Variants in CYP19A1 observed in about 807,000 individuals in gnomAD.
CYP19A1 encodes the protein aromatase.
CYP19A1 carries 32 observed loss-of-function variants against 44.4 expected under a neutral mutation model. That is an observed-to-expected ratio of 0.72 (90% CI 0.54 to 0.97). The LOEUF (loss-of-function observed/expected upper bound fraction) is 0.97. Among genes scored for constraint, CYP19A1 ranks in the 50% least tolerant of loss-of-function variants. CYP19A1 has a pLI of 0.00. For missense variants in CYP19A1, 598 were observed against 637.8 expected (o/e 0.94, Z 0.67); for synonymous variants, 212 against 215.6 (o/e 0.98, Z 0.14).
chr15:51,219,019 C>T (rs565716033), intron 5 of CYP19A1, among the ~76,000 whole-genome samples: 47 of 152,356 alleles, frequency 3.1e-4, no homozygotes, highest in Admixed American at 8.5e-4. Context: ...TTATGGCCTT[C>T]ACTCTGGTAC....
At chr15:51,298,170 T>C (rs1343264057) in intron 1 of CYP19A1, among the ~76,000 whole-genome samples, 10 of 152,174 alleles carry the variant, frequency 6.6e-5, no homozygotes. Flanking sequence ...CCGCCACTGT[T>C]CAGGTGGCAT....
At chr15:51,331,512 G>A (rs1282435237) in intron 1 of CYP19A1, among the ~76,000 whole-genome samples, 2 of 152,248 alleles carry the variant, frequency 1.3e-5, no homozygotes, top group Non-Finnish European at 2.9e-5. Flanking sequence ...TACTGACCCA[G>A]AAGGAGATAA....
At chr15:51,214,861 G>A (rs889223992) in intron 8 of CYP19A1, among the ~76,000 whole-genome samples, 3 of 152,156 alleles carry the variant, frequency 2.0e-5, no homozygotes, top group Non-Finnish European at 4.4e-5. Context: ...TCCTCCCAAT[G>A]AGCATGCATC....
In CYP19A1 at chr15:51,273,727, C is replaced by T. The variant is rs146076026; in HGVS notation, c.-38-30777G>A. On this transcript the variant is annotated intron_variant, in intron 1 of 9. Coordinates refer to ENST00000396402, the MANE Select transcript of CYP19A1 (RefSeq NM_000103.4). ...GCTATGCTTTTTAAAAAATGACAGC[C>T]GGCTGCAATGGCTCATGCCTGTAAT... Among the ~76,000 whole-genome samples the T allele has an allele frequency of 1.6e-3, 242 of 152,132 alleles. 2 individuals carry two copies. The highest frequency in any genetic ancestry group is 3.4e-3 in the Middle Eastern group (1 of 294).
chr15:51,237,909 T>G (rs891039971), intron 2 of CYP19A1, among the ~76,000 whole-genome samples: 1 of 152,240 alleles, frequency 6.6e-6, no homozygotes, highest in African/African-American at 2.4e-5. Flanking sequence ...TTTCTAAATC[T>G]TTCTCCTTTA....
At chr15:51,332,837 A>G (rs939224332) in intron 1 of CYP19A1, among the ~76,000 whole-genome samples, 1 of 152,136 alleles carries the variant, frequency 6.6e-6, no homozygotes, top group Non-Finnish European at 1.5e-5. Context: ...TGCCCCCATG[A>G]TCCTTCTTCC....
intron 1 of CYP19A1, chr15:51,321,065 C>T (rs943639031): frequency 6.6e-6 from 1 of 152,464 alleles, no homozygotes; most frequent in Non-Finnish European, 1.5e-5. Context: ...CCTGTGCCTT[C>T]AACCCATTCC....
intron 1 of CYP19A1, among the ~76,000 whole-genome samples, chr15:51,314,341 CT>C (rs1396417282): frequency 6.6e-6 from 1 of 151,996 alleles, no homozygotes; most frequent in African/African-American, 2.4e-5. Flanking sequence ...GAAAGAGGGA[CT>C]TTTTGCCTTT....
chr15:51,234,072 T>C (rs2033221243), intron 3 of CYP19A1, among the ~76,000 whole-genome samples: 3 of 151,866 alleles, frequency 2.0e-5, no homozygotes, highest in Admixed American at 2.0e-4. Context: ...CTCAAACTTT[T>C]CAAAAGAAAA....
chr15:51,222,362 C>A lies in CYP19A1; in HGVS notation c.615G>T (p.Arg205Ser). 6.2e-7 allele frequency: 1 copy of A among 1,614,174 alleles called. No individual in the cohort carries two copies. Among genetic ancestry groups the A allele is most frequent in the Non-Finnish European group, 8.5e-7 (1 of 1,180,028 alleles). ...AAATTTCAGTACCGTCCAAAGGGATCCTCAAGAAGAGCGTGTTAGAGGTGT... is the reference window on the plus strand; with the variant it reads ...AAATTTCAGTACCGTCCAAAGGGATACTCAAGAAGAGCGTGTTAGAGGTGT... ...MLDTSNTLFL[R>S]IPLDESAIVV... Residue 205 changes from arginine (R) to serine (S), a missense_variant, in exon 5 of 10, where the codon AGG becomes AGT. Coordinates refer to ENST00000396402, the MANE Select transcript of CYP19A1 (RefSeq NM_000103.4).
chr15:51,237,130 T>G (rs1165711635), intron 2 of CYP19A1, 121 bp from the exon 3 acceptor site: 1 of 1,116,592 alleles, frequency 9.0e-7, no homozygotes, highest in East Asian at 2.6e-5. Context: ...TGTATATCTG[T>G]GAATCACGAA....
rs144977194 is a variant in CYP19A1, at chr15:51,210,909, T to C, written c.1411A>G (p.Ile471Val). Reference protein sequence around the residue: ...KTLQGQCVESIQKIHDLSLHP... With the variant: ...KTLQGQCVESVQKIHDLSLHP... ...AAGGACAAGTCGTGTATCTTCTGTA[T>C]GCTCTCAACACACTGTCCTTGCAAT... The change falls in exon 10 of 10, where the codon ATA becomes GTA. Residue 471 changes from isoleucine to valine, a missense_variant. Transcript: ENST00000396402. The C allele has an allele frequency of 1.6e-5, 26 of 1,601,450 alleles. No homozygotes were observed. In the African/African-American group the frequency reaches 3.1e-4, roughly 19 times the overall value.
chr15:51,280,114 C>T (rs1163568501), intron 1 of CYP19A1: 2 of 142,194 alleles, frequency 1.4e-5, no homozygotes, highest in African/African-American at 2.9e-5. Context: ...AAAGCCTGCC[C>T]TTCTTTTTTT....
At chr15:51,313,549 C>A (rs569554105) in intron 1 of CYP19A1, among the ~76,000 whole-genome samples, 5 of 152,344 alleles carry the variant, frequency 3.3e-5, no homozygotes, top group Non-Finnish European at 7.3e-5. Context: ...GTAATCCCAG[C>A]ACTTTGGGAG....
chr15:51,323,568 A>G (rs1245677432), intron 1 of CYP19A1, among the ~76,000 whole-genome samples: 1 of 151,512 alleles, frequency 6.6e-6, no homozygotes, highest in Admixed American at 6.6e-5. Context: ...GTCTATGCCT[A>G]TAAAATGGCT....
chr15:51,309,371 A>T (rs1012267185), intron 1 of CYP19A1, among the ~76,000 whole-genome samples: 1 of 152,232 alleles, frequency 6.6e-6, no homozygotes, highest in African/African-American at 2.4e-5. Flanking sequence ...AATTTGTTAT[A>T]GTGATTTGAA....
At chr15:51,311,947 T>C (rs762186311) in intron 1 of CYP19A1, among the ~76,000 whole-genome samples, 12 of 152,198 alleles carry the variant, frequency 7.9e-5, no homozygotes, top group African/African-American at 1.2e-4. Context: ...TGAACTCTTA[T>C]GTGAAATTTT....
chr15:51,334,079 C>T (rs1352182351), intron 1 of CYP19A1, among the ~76,000 whole-genome samples: 1 of 152,202 alleles, frequency 6.6e-6, no homozygotes, highest in Non-Finnish European at 1.5e-5. Context: ...CACATTCTAG[C>T]ATTCAGTGTC....
At chr15:51,301,247 G>A (rs1240155483) in intron 1 of CYP19A1, among the ~76,000 whole-genome samples, 1 of 152,208 alleles carries the variant, frequency 6.6e-6, no homozygotes, top group African/African-American at 2.4e-5. Flanking sequence ...TGGCTATGTT[G>A]CCTCCTCTCT....
Sources: allele counts gnomAD v4.1 joint callset (sites outside exome capture counted in the v4.1 genomes callset), GRCh38; gene constraint gnomAD v4.1.1; transcripts MANE v1.5; gene names NCBI Gene and HGNC (gene_info 2026-07-23, HGNC 2026-07-21).